ALK: variants seen among roughly 807,000 people sequenced by gnomAD.
The protein encoded by ALK is ALK tyrosine kinase receptor.
A neutral mutation model predicts 163.1 loss-of-function variants in ALK; 74 were observed. The observed-to-expected ratio is 0.45, with a 90% CI of 0.38 to 0.55. The LOEUF (loss-of-function observed/expected upper bound fraction) is 0.55, where lower values mean the gene tolerates loss of function less well. ALK is among the 20% of genes least tolerant of loss of function. The pLI is 0.00. For synonymous variants in ALK, 960 were observed against 843.2 expected, an observed-to-expected ratio of 1.14 and a Z score of -2.40; for missense variants, 2,063 against 2,105.3, an observed-to-expected ratio of 0.98 and a Z score of 0.39.
At chr2:29,611,533 C>T (rs1317938550) in intron 3 of ALK, among the ~76,000 whole-genome samples, 1 of 152,160 alleles carries the variant, frequency 6.6e-6, no homozygotes, top group Non-Finnish European at 1.5e-5. Context: ...TGTCAACCAT[C>T]TGAACTCTTA....
intron 1 of ALK, among the ~76,000 whole-genome samples, chr2:29,889,717 GAGAGAGAGAGA>G (rs1558535338): frequency 1.4e-5 from 1 of 69,674 alleles, no homozygotes; most frequent in East Asian, 3.1e-4. Context: ...GAGAGAGAGA[GAGAGAGAGAGA>G]GAGAGAGAGA....
chr2:29,747,434 G>T (rs1245503165), intron 1 of ALK, among the ~76,000 whole-genome samples: 1 of 152,222 alleles, frequency 6.6e-6, no homozygotes. Context: ...AAAAATGGAA[G>T]TTTCCTTTAC....
rs189158087 is a variant in ALK at position 29,849,407 on chromosome 2, G to T, written c.667+70586C>A. On this transcript the variant is annotated intron_variant, in intron 1 of 28. Transcript: ENST00000389048. The stretch of plus-strand genomic sequence containing the variant: ...GGTAAGAAGAGGGACTACCCACAGA[G>T]CTGTGGCAGAATTACAGGAGGCAGG... 2.2e-4 allele frequency among the ~76,000 whole-genome samples: 34 copies of T among 152,350 alleles called. No individual in the cohort carries two copies. The East Asian group carries it at 6.2e-3, about 28-fold the overall frequency.
chr2:29,520,313 T>A (rs1419997694), intron 4 of ALK, among the ~76,000 whole-genome samples: 2 of 152,242 alleles, frequency 1.3e-5, no homozygotes, highest in East Asian at 1.9e-4. Flanking sequence ...GCATTATAGA[T>A]GCATTCTTAA....
chr2:29,865,840 CTT>C (rs1558524956), intron 1 of ALK, among the ~76,000 whole-genome samples: 2 of 152,128 alleles, frequency 1.3e-5, no homozygotes, highest in African/African-American at 4.8e-5. Flanking sequence ...ATTGATATGG[CTT>C]TTATTGTCCA....
At chr2:29,504,620 G>C (rs897775496) in intron 4 of ALK, among the ~76,000 whole-genome samples, 1 of 152,046 alleles carries the variant, frequency 6.6e-6, no homozygotes, top group Non-Finnish European at 1.5e-5. Flanking sequence ...AGAGTGAAGA[G>C]GAGATGAGGA....
At chr2:29,806,414 A>G (rs1021552704) in intron 1 of ALK, among the ~76,000 whole-genome samples, 1 of 152,226 alleles carries the variant, frequency 6.6e-6, no homozygotes, top group African/African-American at 2.4e-5. Flanking sequence ...ATCGAAATCT[A>G]GGAACACCCC....
At chr2:29,862,305 G>A (rs575925314) in intron 1 of ALK, among the ~76,000 whole-genome samples, 39 of 152,174 alleles carry the variant, frequency 2.6e-4, no homozygotes, top group African/African-American at 9.4e-4. Context: ...GGCAAGGGAA[G>A]TGAAAGAAAG....
At chr2:29,610,503 T>C (rs1013627927) in intron 3 of ALK, among the ~76,000 whole-genome samples, 1 of 152,178 alleles carries the variant, frequency 6.6e-6, no homozygotes, top group Admixed American at 6.5e-5. Context: ...TTATTATTTC[T>C]GCTCCACGGC....
chr2:29,370,319 C>A (rs1432765685), intron 5 of ALK, among the ~76,000 whole-genome samples: 1 of 152,172 alleles, frequency 6.6e-6, no homozygotes, highest in African/African-American at 2.4e-5. Context: ...AACTGGCCCC[C>A]TCTAAGGGAG....
intron 1 of ALK, among the ~76,000 whole-genome samples, chr2:29,810,352 G>A (rs2148370973): frequency 6.6e-6 from 1 of 150,428 alleles, no homozygotes; most frequent in Non-Finnish European, 1.5e-5. Context: ...AACCCGGGAG[G>A]CAGATATTGC....
chr2:29,694,548 GCAA>G, intron 3 of ALK, among the ~76,000 whole-genome samples: 2 of 152,198 alleles, frequency 1.3e-5, no homozygotes, highest in South Asian at 4.2e-4. Context: ...ATTTTATCTG[GCAA>G]TCCCATTTCA....
intron 1 of ALK, among the ~76,000 whole-genome samples, chr2:29,778,392 G>A (rs1371181050): frequency 6.6e-6 from 1 of 152,176 alleles, no homozygotes; most frequent in Non-Finnish European, 1.5e-5. Flanking sequence ...GAAGGGTCAT[G>A]GTCACAGACT....
intron 12 of ALK, among the ~76,000 whole-genome samples, chr2:29,245,548 A>ACT (rs1664645011): frequency 7.1e-6 from 1 of 140,170 alleles, no homozygotes. Context: ...TGCCCTGCAC[A>ACT]AAGTAGGGCT....
intron 5 of ALK, among the ~76,000 whole-genome samples, chr2:29,347,635 C>T (rs1667990263): frequency 6.6e-6 from 1 of 152,206 alleles, no homozygotes; most frequent in Non-Finnish European, 1.5e-5. Flanking sequence ...TGTATGGTCC[C>T]ATCCACTCCT....
chr2:29,244,774 T>C (rs1267885859), intron 12 of ALK, among the ~76,000 whole-genome samples: 1 of 152,252 alleles, frequency 6.6e-6, no homozygotes, highest in Non-Finnish European at 1.5e-5. Context: ...GTGCCCTTTA[T>C]AGCGATGGCT....
intron 3 of ALK, among the ~76,000 whole-genome samples, chr2:29,549,586 T>C (rs1673662606): frequency 6.6e-6 from 1 of 152,214 alleles, no homozygotes; most frequent in African/African-American, 2.4e-5. Context: ...TAAGTTTAAG[T>C]ACTGAAACTT....
rs558812072 is a variant in ALK at position 29,820,275 on chromosome 2, C to T, written c.667+99718G>A. ...AAGCAGCCTTATGGAGAAGTCCACA[C>T]AGGGAGGAAGTGAGGACATGCCAAT... is the stretch of plus-strand genomic sequence containing the variant. On this transcript the variant is annotated intron_variant, in intron 1 of 28. Coordinates refer to ENST00000389048, the MANE Select transcript of ALK (RefSeq NM_004304.5). Among the ~76,000 whole-genome samples the T allele has an allele frequency of 6.2e-4, 94 of 152,280 alleles. 1 individual carries two copies. The highest frequency in any genetic ancestry group is 2.1e-3 in the African/African-American group (89 of 41,556).
chr2:29,586,911 T>C (rs1035970389), intron 3 of ALK, among the ~76,000 whole-genome samples: 1 of 152,176 alleles, frequency 6.6e-6, no homozygotes, highest in Non-Finnish European at 1.5e-5. Flanking sequence ...TTTTTGAAGA[T>C]GTTTAGCTGA....
Sources: gnomAD v4.1 joint callset for allele counts (sites outside exome capture counted in the v4.1 genomes callset) on GRCh38, gnomAD v4.1.1 for gene constraint, MANE v1.5 for transcripts, NCBI Gene and HGNC (gene_info 2026-07-23, HGNC 2026-07-21) for gene names.